Variants in TNIK observed in about 807,000 individuals in gnomAD.
The protein encoded by TNIK is TRAF2 and NCK-interacting protein kinase.
In TNIK, 49 loss-of-function variants were observed where a neutral mutation model predicts 191.3. That is an observed-to-expected ratio of 0.26 (90% CI 0.20 to 0.32). The LOEUF is 0.32. TNIK is among the 10% of genes least tolerant of loss of function. TNIK has a pLI of 1.00. For missense variants in TNIK, 1,155 were observed against 1,702.3 expected (o/e 0.68, Z 5.66); for synonymous variants, 594 against 600.9 (o/e 0.99, Z 0.17).
At chr3:171,186,208 TAAG>T (rs1737351043) in intron 7 of TNIK, among the ~76,000 whole-genome samples, 1 of 152,222 alleles carries the variant, frequency 6.6e-6, no homozygotes. Flanking sequence ...GTTACATTCC[TAAG>T]GATACTGAAC....
chr3:171,140,571 C>T (rs1371289456), intron 12 of TNIK, 62 bp from the exon 13 acceptor site: 1 of 1,510,498 alleles, frequency 6.6e-7, no homozygotes. Flanking sequence ...TGTCAGGGAG[C>T]CAGCAGGAAA....
intron 21 of TNIK, among the ~76,000 whole-genome samples, chr3:171,104,923 G>A (rs1279889074): frequency 1.3e-5 from 2 of 149,676 alleles, no homozygotes; most frequent in African/African-American, 2.6e-5. Context: ...GTTTTCTTAC[G>A]TGTATAATCT....
chr3:171,427,947 C>A (rs540522487), intron 1 of TNIK, among the ~76,000 whole-genome samples: 1 of 152,258 alleles, frequency 6.6e-6, no homozygotes, highest in South Asian at 2.1e-4. Context: ...ACGCTGCAGT[C>A]TCCTGGAGGG....
intron 1 of TNIK, among the ~76,000 whole-genome samples, chr3:171,401,361 G>A (rs113823281): frequency 8.9e-4 from 136 of 152,250 alleles, no homozygotes; most frequent in African/African-American, 2.9e-3. Context: ...TCTTCAGGAC[G>A]AGGACTAGGC....
intron 2 of TNIK, among the ~76,000 whole-genome samples, chr3:171,315,776 CTG>C (rs1166632461): frequency 6.6e-6 from 1 of 152,166 alleles, no homozygotes; most frequent in Non-Finnish European, 1.5e-5. Context: ...CCCACTGTGT[CTG>C]TGTCTGTCTT....
intron 27 of TNIK, among the ~76,000 whole-genome samples, chr3:171,080,220 T>C (rs1667240843): frequency 6.6e-6 from 1 of 152,196 alleles, no homozygotes; most frequent in African/African-American, 2.4e-5. Flanking sequence ...TAAAGTGATC[T>C]TGGAATAAAG....
chr3:171,310,357 T>A (rs1753888966), intron 2 of TNIK, among the ~76,000 whole-genome samples: 1 of 152,254 alleles, frequency 6.6e-6, no homozygotes, highest in Admixed American at 6.5e-5. Flanking sequence ...ACCAAGATTA[T>A]GAGATTTACA....
chr3:171,377,555 C>T (rs978643333), intron 1 of TNIK, among the ~76,000 whole-genome samples: 7 of 152,172 alleles, frequency 4.6e-5, no homozygotes, highest in African/African-American at 1.4e-4. Context: ...AGCCTAAATG[C>T]TTTTCATACA....
At chr3:171,438,769 C>T (rs1332680236) in intron 1 of TNIK, among the ~76,000 whole-genome samples, 3 of 152,146 alleles carry the variant, frequency 2.0e-5, no homozygotes, top group Admixed American at 1.3e-4. Flanking sequence ...TTTTGTGGCT[C>T]GATCAGGTTA....
intron 2 of TNIK, among the ~76,000 whole-genome samples, chr3:171,367,001 A>C (rs1313557658): frequency 6.6e-6 from 1 of 152,210 alleles, no homozygotes; most frequent in Non-Finnish European, 1.5e-5. Flanking sequence ...GCCAGGCAGA[A>C]CTGTGAGTCA....
intron 1 of TNIK, among the ~76,000 whole-genome samples, chr3:171,418,055 G>T (rs1273743702): frequency 6.6e-6 from 1 of 152,182 alleles, no homozygotes; most frequent in Admixed American, 6.5e-5. Flanking sequence ...ATCCTGGGAA[G>T]TGAGTCAGTC....
Position 171,139,667 on chromosome 3 carries a change from G to A in TNIK, c.1333-111C>T, listed in dbSNP as rs1055480194. Reference sequence around the variant, plus strand: ...AAGTAAAGTGTAGAAGGAAGGAGGGGAAAAATACCCAAATACCTTCTTACA... The same window carrying A: ...AAGTAAAGTGTAGAAGGAAGGAGGGAAAAAATACCCAAATACCTTCTTACA... On this transcript the variant is annotated intron_variant, in intron 13 of 32. Coordinates refer to ENST00000436636, the MANE Select transcript of TNIK (RefSeq NM_015028.4). The A allele has an allele frequency of 3.0e-5, 23 of 764,718 alleles. No individual in the cohort carries two copies. The Admixed American group carries it at 4.5e-4, about 15-fold the overall frequency. 47.4% of individuals were successfully genotyped at this position (764,718 alleles called of 1,614,324 possible).
At chr3:171,206,820 C>A (rs1319019241) in intron 4 of TNIK, among the ~76,000 whole-genome samples, 1 of 152,142 alleles carries the variant, frequency 6.6e-6, no homozygotes, top group Admixed American at 6.6e-5. Context: ...CTATTAACCA[C>A]CCCTCTCCTT....
intron 1 of TNIK, among the ~76,000 whole-genome samples, chr3:171,385,648 G>A (rs909170333): frequency 3.3e-5 from 5 of 152,080 alleles, no homozygotes; most frequent in Non-Finnish European, 5.9e-5. Flanking sequence ...GCAGGATTTG[G>A]GTACACAGAC....
chr3:171,363,131 A>T (rs1715219761), intron 2 of TNIK, among the ~76,000 whole-genome samples: 1 of 152,162 alleles, frequency 6.6e-6, no homozygotes, highest in Admixed American at 6.5e-5. Flanking sequence ...TTGTAGTTGG[A>T]TGAGGCCAGG....
At position 171,093,689 on chromosome 3, in the gene TNIK, A is replaced by G. The variant is rs548843842; in HGVS notation, c.2721+150T>C. ...GGAAAGAAGGCAGCAGACAATTAAA[A>G]TCACTCAACTATTTGGAAGCACAGG... On this transcript the variant is annotated intron_variant, in intron 23 of 32. Transcript: ENST00000436636. 1.0e-5 allele frequency: 10 copies of G among 987,276 alleles called. No homozygotes were observed. In the East Asian group the frequency reaches 2.3e-4, roughly 23 times the overall value. 61.2% of individuals were successfully genotyped at this position (987,276 alleles called of 1,614,324 possible).
chr3:171,290,515 T>A (rs1751565236), intron 2 of TNIK, among the ~76,000 whole-genome samples: 1 of 152,246 alleles, frequency 6.6e-6, no homozygotes, highest in Non-Finnish European at 1.5e-5. Context: ...AAATGGCAAT[T>A]ATTATTATAT....
In TNIK at chr3:171,060,967, AATG is replaced by A. The variant is rs1314942555; in HGVS notation, c.*2911_*2913del. On this transcript the variant is annotated 3_prime_UTR_variant, in exon 33 of 33. Coordinates refer to ENST00000436636, the MANE Select transcript of TNIK (RefSeq NM_015028.4). Reference sequence around the variant, plus strand: ...TCTCTTTGTAGGAAAATAAAAATAAAATGAGCCAATTTCTAGAGACAAAATCAC... The same window carrying A: ...TCTCTTTGTAGGAAAATAAAAATAAAAGCCAATTTCTAGAGACAAAATCAC... Among the ~76,000 whole-genome samples, 14 of 152,272 alleles carry A rather than the reference AATG, an allele frequency of 9.2e-5. No individual in the cohort carries two copies. The East Asian group carries it at 2.5e-3, about 27-fold the overall frequency.
At chr3:171,111,055 G>C (rs1725777444) in intron 18 of TNIK, among the ~76,000 whole-genome samples, 178 bp from the exon 19 acceptor site, 1 of 152,292 alleles carries the variant, frequency 6.6e-6, no homozygotes, top group Admixed American at 6.5e-5. Flanking sequence ...TTTCTTAAAA[G>C]GAGACATGCA....
Sources: allele counts gnomAD v4.1 joint callset (sites outside exome capture counted in the v4.1 genomes callset), GRCh38; gene constraint gnomAD v4.1.1; transcripts MANE v1.5; gene names NCBI Gene and HGNC (gene_info 2026-07-23, HGNC 2026-07-21).